Variants in NRK observed in about 807,000 individuals in gnomAD.
NRK encodes nik-related protein kinase.
Under a neutral mutation model 125.2 loss-of-function variants are expected in NRK, and 67 were observed. That is an observed-to-expected ratio of 0.54 (90% CI 0.44 to 0.66). The LOEUF (loss-of-function observed/expected upper bound fraction) is 0.66. Ranked by LOEUF, NRK falls within the 30% of genes least tolerant of loss-of-function variation. NRK has a pLI of 0.00. For synonymous variants in NRK, 458 were observed against 429.0 expected, an observed-to-expected ratio of 1.07 and a Z score of -0.84; for missense variants, 1,224 against 1,192.9, an observed-to-expected ratio of 1.03 and a Z score of -0.38.
At position 105,865,033 on chromosome X, in the gene NRK, G is replaced by C. The variant is rs566461613; in HGVS notation, c.124-15166G>C. On this transcript the variant is annotated intron_variant, in intron 2 of 28. Transcript: ENST00000243300. ...TGCCCCCCTTCAGGCTCCTGTTGGG[G>C]ATTGTATTTTCCCTTCACTATTGCC... Among the ~76,000 whole-genome samples, 3 of 111,387 alleles carry C rather than the reference G, an allele frequency of 2.7e-5. No individual in the cohort carries two copies. The South Asian group carries it at 1.1e-3, about 42-fold the overall frequency.
At chrX:105,856,558 A>G (rs2039534204) in intron 2 of NRK, among the ~76,000 whole-genome samples, 1 of 111,273 alleles carries the variant, frequency 9.0e-6, no homozygotes, top group Non-Finnish European at 1.9e-5. Context: ...AAGGAGAAGA[A>G]CATAATATAC....
chrX:105,822,928 C>G (rs1406495361), intron 1 of NRK, 26 bp downstream of exon 1: 2 of 1,127,930 alleles, frequency 1.8e-6, no homozygotes, highest in Non-Finnish European at 2.4e-6. Context: ...CCGTCGCCCC[C>G]CGAAATGCTC....
At chrX:105,837,243 A>G (rs941640957) in intron 2 of NRK, among the ~76,000 whole-genome samples, 2 of 111,763 alleles carry the variant, frequency 1.8e-5, no homozygotes, top group African/African-American at 6.5e-5. Context: ...CAGAACATAT[A>G]TATCTGTACG....
At chrX:105,888,835 C>T (rs781286369) in intron 5 of NRK, among the ~76,000 whole-genome samples, 18 of 110,832 alleles carry the variant, frequency 1.6e-4, no homozygotes, top group African/African-American at 5.9e-4. Flanking sequence ...AAAGACCGGC[C>T]CCCATGATTC....
intron 5 of NRK, among the ~76,000 whole-genome samples, chrX:105,888,679 G>A (rs2059172807): frequency 9.0e-6 from 1 of 111,253 alleles, no homozygotes; most frequent in Admixed American, 9.6e-5. Context: ...CATGGCTGAG[G>A]AGACCTCACA....
intron 2 of NRK, among the ~76,000 whole-genome samples, chrX:105,844,662 C>A (rs1489653036): frequency 9.0e-6 from 1 of 111,418 alleles, no homozygotes; most frequent in Non-Finnish European, 1.9e-5. Flanking sequence ...ATTTCCTCTC[C>A]TTTTTTGAAT....
At chrX:105,828,069 A>G (rs946482885) in intron 1 of NRK, among the ~76,000 whole-genome samples, 2 of 112,141 alleles carry the variant, frequency 1.8e-5, no homozygotes, top group African/African-American at 3.2e-5. Context: ...TGCAAAATAT[A>G]TGAGGAATTT....
chrX:105,886,248 T>C (rs1251001977), intron 4 of NRK, among the ~76,000 whole-genome samples: 1 of 109,137 alleles, frequency 9.2e-6, no homozygotes, highest in African/African-American at 3.3e-5. Context: ...CATTTGTTTA[T>C]TGATATGGAA....
intron 2 of NRK, among the ~76,000 whole-genome samples, chrX:105,847,265 G>T (rs749876397): frequency 8.9e-6 from 1 of 112,066 alleles, no homozygotes; most frequent in East Asian, 2.8e-4. Flanking sequence ...TCCAGTCTGT[G>T]TCAAAGAGAC....
chrX:105,907,165 TA>T (rs1480192110), intron 11 of NRK: 5 of 110,722 alleles, frequency 4.5e-5, no homozygotes, highest in African/African-American at 1.6e-4. Context: ...GAACTTCTAT[TA>T]AAAATGGCAG....
intron 2 of NRK, among the ~76,000 whole-genome samples, chrX:105,856,144 T>C (rs1182126061): frequency 8.9e-6 from 1 of 111,881 alleles, no homozygotes; most frequent in Non-Finnish European, 1.9e-5. Flanking sequence ...TACAACAAAC[T>C]TGACAACCAA....
chrX:105,848,951 T>G (rs1448702045), intron 2 of NRK, among the ~76,000 whole-genome samples: 3 of 112,148 alleles, frequency 2.7e-5, no homozygotes, highest in Non-Finnish European at 3.8e-5. Flanking sequence ...CCTGGTATAT[T>G]AGATGGTGAT....
At chrX:105,821,932 G>A (rs1002348060), upstream of NRK, among the ~76,000 whole-genome samples, 11 of 111,776 alleles carry the variant, frequency 9.8e-5, no homozygotes, top group Non-Finnish European at 2.1e-4. Flanking sequence ...TCTTGCCCTC[G>A]GCTAATGGCT....
intron 1 of NRK, among the ~76,000 whole-genome samples, chrX:105,825,538 T>G (rs1213075967): frequency 1.8e-5 from 2 of 112,330 alleles, no homozygotes; most frequent in Non-Finnish European, 3.8e-5. Flanking sequence ...CAAAGACCCT[T>G]GAGGGAGGAT....
intron 13 of NRK, among the ~76,000 whole-genome samples, chrX:105,912,114 T>C (rs2040309700): frequency 9.0e-6 from 1 of 111,547 alleles, no homozygotes; most frequent in Admixed American, 9.5e-5. Context: ...AAATGCATTT[T>C]TATTAATCTT....
chrX:105,824,951 CAT>C (rs1012051946), intron 1 of NRK, among the ~76,000 whole-genome samples: 5 of 111,741 alleles, frequency 4.5e-5, no homozygotes, highest in Admixed American at 1.9e-4. Context: ...CATTTTGTCT[CAT>C]GTGTGGGTTT....
At chrX:105,882,844 A>G (rs939124976) in intron 4 of NRK, among the ~76,000 whole-genome samples, 2 of 112,007 alleles carry the variant, frequency 1.8e-5, no homozygotes, top group East Asian at 2.8e-4. Flanking sequence ...ACCGCAAAAG[A>G]TAAGGTATGG....
intron 2 of NRK, among the ~76,000 whole-genome samples, chrX:105,860,781 C>T (rs937225004): frequency 9.0e-5 from 10 of 110,781 alleles, no homozygotes; most frequent in Admixed American, 2.9e-4. Context: ...TTATTCATGT[C>T]GTAGTATGAA....
At chrX:105,860,487 A>G (rs769775887) in intron 2 of NRK, among the ~76,000 whole-genome samples, 42 of 110,554 alleles carry the variant, frequency 3.8e-4, no homozygotes, top group African/African-American at 1.2e-3. Flanking sequence ...AAAACAGTGC[A>G]ACCATGATAA....
Sources: gnomAD v4.1 joint callset for allele counts (sites outside exome capture counted in the v4.1 genomes callset) on GRCh38, gnomAD v4.1.1 for gene constraint, MANE v1.5 for transcripts, NCBI Gene and HGNC (gene_info 2026-07-23, HGNC 2026-07-21) for gene names.